The following DENND4C variants were observed in gnomAD, a reference collection of about 807,000 sequenced individuals.
The protein encoded by DENND4C is DENN domain containing 4C, also known as DENN domain-containing protein 4C.
In DENND4C, 108 loss-of-function variants were observed where a neutral mutation model predicts 203.0. The ratio of observed to expected loss-of-function variants is 0.53; its 90% CI spans 0.46 to 0.62. DENND4C has a LOEUF of 0.62. Ranked by LOEUF, DENND4C falls within the 20% of genes least tolerant of loss-of-function variation. The probability of loss-of-function intolerance (pLI) is 0.00; values close to 1 mark genes in which losing one functional copy is unlikely to be tolerated. For synonymous variants in DENND4C, 871 were observed against 792.4 expected (o/e 1.10, Z -1.67); for missense variants, 2,481 against 2,301.2 (o/e 1.08, Z -1.60).
At position 19,350,762 on chromosome 9, in the gene DENND4C, A is replaced by G; in HGVS notation, c.4378A>G (p.Asn1460Asp). ...AGLEDHILGE[N>D]ISPNTSISGL... ...CCTAGAAGACCATATTTTGGGGGAG[A>G]ATATATCGCCTAACACAAGTATCTC... Residue 1460 changes from asparagine to aspartate, a missense_variant, in exon 24 of 33, where the codon AAT (asparagine) becomes GAT (aspartate). Coordinates refer to ENST00000434457, the MANE Select transcript of DENND4C (RefSeq NM_001330640.2). The G allele has an allele frequency of 1.9e-6, 3 of 1,613,862 alleles. No homozygotes were observed. Among genetic ancestry groups the G allele is most frequent in the South Asian group, 2.2e-5 (2 of 91,048 alleles).
At chr9:19,324,632 T>C (rs1437158607) in intron 13 of DENND4C, 125 bp downstream of exon 13, 4 of 967,380 alleles carry the variant, frequency 4.1e-6, no homozygotes, top group African/African-American at 1.7e-5. Context: ...TGTGTGTGTA[T>C]GTGTTACCGA....
chr9:19,308,612 C>T (rs1230394614), intron 10 of DENND4C, among the ~76,000 whole-genome samples: 2 of 152,152 alleles, frequency 1.3e-5, no homozygotes, highest in African/African-American at 4.8e-5. Context: ...ACATTGTGAC[C>T]TGTCATTCCA....
intron 1 of DENND4C, among the ~76,000 whole-genome samples, chr9:19,251,065 C>A (rs1434436756): frequency 1.3e-5 from 2 of 152,258 alleles, no homozygotes; most frequent in Non-Finnish European, 2.9e-5. Context: ...CCCCACATTT[C>A]CCTTCCACAC....
In DENND4C at chr9:19,357,049, A is replaced by G. The variant is rs1175354914; in HGVS notation, c.4859A>G (p.His1620Arg). Residue 1620 changes from histidine to arginine, a missense_variant, in exon 27 of 33, where the codon CAC becomes CGC. Coordinates refer to ENST00000434457, the MANE Select transcript of DENND4C (RefSeq NM_001330640.2). The stretch of plus-strand genomic sequence containing the variant: ...CCATTGGCAAATGAATCCTTGGAGC[A>G]CAAACCTGTATCCAGTTTAGCAGAA... ...SIPLANESLE[H>R]KPVSSLAEPD... 4 of 1,614,034 alleles carry G rather than the reference A, an allele frequency of 2.5e-6. No homozygotes were observed. The highest frequency in any genetic ancestry group is 1.7e-6 in the Non-Finnish European group (2 of 1,179,932).
chr9:19,336,642 TA>T lies in DENND4C; in HGVS notation c.2735-43del, dbSNP rs1245993105. ...GTCAATCATGTTTAGTTTAAGAGAT[TA>T]TCAATGCATGAGTTATTGAACTGCT... On this transcript the variant is annotated intron_variant, in intron 19 of 32. Transcript: ENST00000434457. The T allele has an allele frequency of 5.9e-6, 9 of 1,524,430 alleles. No individual in the cohort carries two copies. In the African/African-American group the frequency reaches 1.2e-4, roughly 21 times the overall value. The allele number at this position is 1,524,430 out of a possible 1,614,324, so 94.4% of individuals were successfully genotyped here.
chr9:19,240,338 T>A (rs998545423), intron 1 of DENND4C, among the ~76,000 whole-genome samples: 10 of 152,068 alleles, frequency 6.6e-5, no homozygotes, highest in African/African-American at 2.2e-4. Context: ...TATTTGTGTA[T>A]CTAAACATAG....
At chr9:19,329,317 G>A (rs948619717) in intron 16 of DENND4C, among the ~76,000 whole-genome samples, 2 of 152,154 alleles carry the variant, frequency 1.3e-5, no homozygotes, top group African/African-American at 4.8e-5. Flanking sequence ...TGCATAATAT[G>A]TATTCTTTTG....
At chr9:19,367,498 G>C (rs1827929233) in intron 30 of DENND4C, among the ~76,000 whole-genome samples, 1 of 152,228 alleles carries the variant, frequency 6.6e-6, no homozygotes, top group African/African-American at 2.4e-5. Flanking sequence ...CACTTTGGGA[G>C]GCTGAGGCCG....
At chr9:19,276,941 G>A (rs568939530) in intron 2 of DENND4C, among the ~76,000 whole-genome samples, 6 of 151,866 alleles carry the variant, frequency 4.0e-5, no homozygotes, top group South Asian at 2.1e-4. Flanking sequence ...GCTGGGAGGA[G>A]GGTGTTTACA....
chr9:19,288,812 A>T (rs1175024686), intron 4 of DENND4C, 147 bp downstream of exon 4: 1 of 426,156 alleles, frequency 2.3e-6, no homozygotes, highest in East Asian at 3.6e-5. Context: ...ATATAAAGAT[A>T]TGTGTTTTCT....
At chr9:19,277,576 T>C (rs965485082) in intron 2 of DENND4C, among the ~76,000 whole-genome samples, 2 of 152,182 alleles carry the variant, frequency 1.3e-5, no homozygotes, top group African/African-American at 2.4e-5. Flanking sequence ...GGGATTTTTT[T>C]AAATATATAG....
At chr9:19,243,233 T>C (rs1480192000) in intron 1 of DENND4C, among the ~76,000 whole-genome samples, 1 of 152,230 alleles carries the variant, frequency 6.6e-6, no homozygotes, top group Non-Finnish European at 1.5e-5. Context: ...TTCATAGAAA[T>C]GAAGTCATAC....
chr9:19,298,204 G>A, intron 7 of DENND4C, 82 bp downstream of exon 7: 1 of 1,251,228 alleles, frequency 8.0e-7, no homozygotes, highest in Non-Finnish European at 1.1e-6. Context: ...TATACCTTTG[G>A]GTTTGAGGTG....
chr9:19,244,739 C>A (rs1352771664), intron 1 of DENND4C, among the ~76,000 whole-genome samples: 41 of 142,422 alleles, frequency 2.9e-4, no homozygotes, highest in Middle Eastern at 3.7e-3. Context: ...GACCCCACCT[C>A]AAAAAAAAAA....
intron 1 of DENND4C, among the ~76,000 whole-genome samples, chr9:19,252,394 C>T (rs564234458): frequency 6.6e-6 from 1 of 151,952 alleles, no homozygotes; most frequent in Admixed American, 6.6e-5. Flanking sequence ...TGGGTGGGAA[C>T]ACAGCCAAAC....
chr9:19,231,471 C>T (rs1820537340), intron 1 of DENND4C, among the ~76,000 whole-genome samples: 1 of 151,900 alleles, frequency 6.6e-6, no homozygotes, highest in Non-Finnish European at 1.5e-5. Context: ...AACACAAAAC[C>T]AAGGAATGAA....
rs370152905 is a variant in DENND4C, at chr9:19,372,049, A to G, written c.5753A>G (p.Asn1918Ser). Reference protein sequence around the residue: ...RENIDIEAFDNEYGIAYNSLS... With the variant: ...RENIDIEAFDSEYGIAYNSLS... The stretch of plus-strand genomic sequence containing the variant: ...AAATTTCTTTCAGAGGCATTTGACA[A>G]TGAATATGGAATTGCATACAATAGT... Residue 1918 changes from asparagine (N) to serine (S), a missense_variant, in exon 33 of 33, where the codon AAT becomes AGT. Asn to Ser is a conservative substitution (Grantham distance 46). Transcript: ENST00000434457. 1.0e-5 allele frequency: 16 copies of G among 1,603,172 alleles called. No individual in the cohort carries two copies. In the Admixed American group the frequency reaches 2.3e-4, roughly 23 times the overall value.
chr9:19,337,963 A>C (rs964293374), intron 20 of DENND4C, among the ~76,000 whole-genome samples: 1 of 152,162 alleles, frequency 6.6e-6, no homozygotes, highest in Non-Finnish European at 1.5e-5. Flanking sequence ...ATAGGCATTG[A>C]AGAATTAATT....
chr9:19,293,760 G>T (rs1175457339), intron 5 of DENND4C, among the ~76,000 whole-genome samples: 1 of 152,202 alleles, frequency 6.6e-6, no homozygotes, highest in East Asian at 1.9e-4. Flanking sequence ...GAGGAATTGA[G>T]AGCATCATGC....
Sources: gnomAD v4.1 joint callset for allele counts (sites outside exome capture counted in the v4.1 genomes callset) on GRCh38, gnomAD v4.1.1 for gene constraint, MANE v1.5 for transcripts, NCBI Gene and HGNC (gene_info 2026-07-23, HGNC 2026-07-21) for gene names.